The following ADAMTS17 variants were observed in gnomAD, a reference collection of about 807,000 sequenced individuals.
The protein encoded by ADAMTS17 is A disintegrin and metalloproteinase with thrombospondin motifs 17.
ADAMTS17 carries 113 observed loss-of-function variants against 141.5 expected under a neutral mutation model. That is an observed-to-expected ratio of 0.80 (90% CI 0.69 to 0.93). ADAMTS17 has a LOEUF of 0.93. Ranked by LOEUF, ADAMTS17 falls within the 40% of genes least tolerant of loss-of-function variation. The probability of loss-of-function intolerance (pLI) is 0.00; values close to 1 mark genes in which losing one functional copy is unlikely to be tolerated. For missense variants in ADAMTS17, 1,659 were observed against 1,517.9 expected (o/e 1.09, Z -1.54); for synonymous variants, 768 against 630.6 (o/e 1.22, Z -3.27).
chr15:100,244,049 G>A (rs1479929133), intron 7 of ADAMTS17, among the ~76,000 whole-genome samples: 2 of 152,082 alleles, frequency 1.3e-5, no homozygotes, highest in African/African-American at 4.8e-5. Flanking sequence ...AGTTCCACAT[G>A]GCTGAGGAGG....
chr15:100,292,189 C>A (rs774726723), intron 3 of ADAMTS17, among the ~76,000 whole-genome samples: 2 of 148,798 alleles, frequency 1.3e-5, no homozygotes, highest in Non-Finnish European at 3.0e-5. Context: ...ACGCTCACCC[C>A]GTGGGGAATC....
chr15:100,172,580 CA>C (rs2040200426), intron 8 of ADAMTS17, among the ~76,000 whole-genome samples: 1 of 152,192 alleles, frequency 6.6e-6, no homozygotes, highest in Admixed American at 6.5e-5. Flanking sequence ...TGACCTAAGT[CA>C]CCTTTAGTTA....
rs186974229 is a variant in ADAMTS17 at position 100,130,333 on chromosome 15, C to T, written c.1721+1674G>A. ...GAGCCGAGACTGGGCCACCGCACTC[C>T]AGCCTGGGGGACAGAGTGAGGCTCC... On this transcript the variant is annotated intron_variant, in intron 12 of 21. Coordinates refer to ENST00000268070, the MANE Select transcript of ADAMTS17 (RefSeq NM_139057.4). Among the ~76,000 whole-genome samples, 326 of 149,994 alleles carry T rather than the reference C, an allele frequency of 2.2e-3. 3 individuals carry two copies. The highest frequency in any genetic ancestry group is 7.7e-3 in the African/African-American group (309 of 40,348).
intron 7 of ADAMTS17, among the ~76,000 whole-genome samples, chr15:100,214,344 A>G (rs2041903899): frequency 6.6e-6 from 1 of 152,234 alleles, no homozygotes; most frequent in Admixed American, 6.5e-5. Context: ...AGGCCAAAAA[A>G]AGGGACAAAA....
At chr15:99,999,011 C>T (rs947398690) in intron 18 of ADAMTS17, among the ~76,000 whole-genome samples, 4 of 152,192 alleles carry the variant, frequency 2.6e-5, no homozygotes, top group South Asian at 2.1e-4. Context: ...CAATGTCTAC[C>T]GCTTTTGCCC....
At chr15:100,053,817 C>T (rs2032330752) in intron 16 of ADAMTS17, 80 bp downstream of exon 16, 6 of 1,609,686 alleles carry the variant, frequency 3.7e-6, no homozygotes, top group Middle Eastern at 1.7e-4. Context: ...AGGTCCCAGG[C>T]AGAAGTAAAC....
chr15:100,104,199 T>G (rs2036287941), intron 14 of ADAMTS17, among the ~76,000 whole-genome samples: 1 of 152,144 alleles, frequency 6.6e-6, no homozygotes, highest in Admixed American at 6.5e-5. Context: ...CCAGATGCAG[T>G]TGTGTATCAG....
chr15:100,299,285 C>T (rs989599290), intron 3 of ADAMTS17, among the ~76,000 whole-genome samples: 1 of 151,364 alleles, frequency 6.6e-6, no homozygotes, highest in African/African-American at 2.4e-5. Context: ...CACGCCCGGA[C>T]GTCAGGGTGT....
At chr15:100,309,245 T>G (rs933235160) in intron 3 of ADAMTS17, among the ~76,000 whole-genome samples, 1 of 152,196 alleles carries the variant, frequency 6.6e-6, no homozygotes, top group African/African-American at 2.4e-5. Context: ...ACCCAGGTAC[T>G]CGGAGGCATG....
At chr15:100,322,790 C>T (rs1436352784) in intron 3 of ADAMTS17, among the ~76,000 whole-genome samples, 1 of 152,144 alleles carries the variant, frequency 6.6e-6, no homozygotes, top group African/African-American at 2.4e-5. Context: ...CATTGTTATA[C>T]ACAGAATTAT....
chr15:100,002,652 A>G (rs2060953279), intron 18 of ADAMTS17, among the ~76,000 whole-genome samples: 1 of 152,118 alleles, frequency 6.6e-6, no homozygotes, highest in African/African-American at 2.4e-5. Flanking sequence ...AAAGTTTTGT[A>G]GATTTAAGAG....
At chr15:100,294,975 G>A (rs1489687240) in intron 3 of ADAMTS17, among the ~76,000 whole-genome samples, 1 of 152,152 alleles carries the variant, frequency 6.6e-6, no homozygotes, top group African/African-American at 2.4e-5. Context: ...GGCTTTCTGT[G>A]TATCAGCCTT....
Position 100,053,265 on chromosome 15 carries a change from C to G in ADAMTS17, c.2295+632G>C, listed in dbSNP as rs192358085. Among the ~76,000 whole-genome samples the G allele has an allele frequency of 3.9e-3, 587 of 152,258 alleles. 3 individuals are homozygous for G. Among genetic ancestry groups the G allele is most frequent in the African/African-American group, 0.013 (549 of 41,556 alleles). ...GATCTCTGACATGTTTAAAAGGAGG[C>G]ATCACTGATGTTTCAGTGGCTTGCA... On this transcript the variant is annotated intron_variant, in intron 16 of 21. Coordinates refer to ENST00000268070, the MANE Select transcript of ADAMTS17 (RefSeq NM_139057.4).
At chr15:100,031,954 G>A (rs113054967) in intron 18 of ADAMTS17, among the ~76,000 whole-genome samples, 68 of 152,308 alleles carry the variant, frequency 4.5e-4, no homozygotes, top group African/African-American at 1.4e-3. Flanking sequence ...AAAAGAAAGG[G>A]AAGACTAAAG....
intron 4 of ADAMTS17, among the ~76,000 whole-genome samples, chr15:100,269,389 T>C (rs2043827021): frequency 6.6e-6 from 1 of 152,248 alleles, no homozygotes; most frequent in South Asian, 2.1e-4. Flanking sequence ...AAGCTTCTTT[T>C]ATACTCTAGC....
At chr15:99,981,766 T>C (rs1410449935) in intron 20 of ADAMTS17, among the ~76,000 whole-genome samples, 3 of 152,274 alleles carry the variant, frequency 2.0e-5, no homozygotes, top group East Asian at 3.8e-4. Flanking sequence ...GTGTGTTCTA[T>C]AGTAAGAGCT....
At chr15:100,331,458 A>G (rs1307141179) in intron 2 of ADAMTS17, among the ~76,000 whole-genome samples, 6 of 152,200 alleles carry the variant, frequency 3.9e-5, no homozygotes, top group African/African-American at 1.2e-4. Flanking sequence ...GGAAAAATGT[A>G]TCTTATCCCT....
intron 7 of ADAMTS17, among the ~76,000 whole-genome samples, chr15:100,246,760 A>G (rs1404361450): frequency 6.6e-6 from 1 of 152,144 alleles, no homozygotes; most frequent in Admixed American, 6.5e-5. Flanking sequence ...ATTTCATCAT[A>G]GCTTTAATTT....
intron 18 of ADAMTS17, among the ~76,000 whole-genome samples, chr15:100,005,934 A>G (rs2061028675): frequency 6.6e-6 from 1 of 152,006 alleles, no homozygotes; most frequent in African/African-American, 2.4e-5. Flanking sequence ...GTTCCCTGGC[A>G]TGCAGAAGCA....
Sources: allele counts gnomAD v4.1 joint callset (sites outside exome capture counted in the v4.1 genomes callset), GRCh38; gene constraint gnomAD v4.1.1; transcripts MANE v1.5; gene names NCBI Gene and HGNC (gene_info 2026-07-23, HGNC 2026-07-21).